Variants in MPHOSPH6 observed in about 807,000 individuals in gnomAD.
MPHOSPH6 encodes the protein M-phase phosphoprotein 6.
Under a neutral mutation model 21.8 loss-of-function variants are expected in MPHOSPH6, and 25 were observed. That is an observed-to-expected ratio of 1.15 (90% CI 0.83 to 1.60). MPHOSPH6 has a LOEUF of 1.60. MPHOSPH6 is among the 40% of genes most tolerant of loss of function. The pLI, the probability that MPHOSPH6 is intolerant of heterozygous loss-of-function variation, is 0.00. For synonymous variants in MPHOSPH6, 84 were observed against 56.5 expected (o/e 1.49, Z -2.18); for missense variants, 269 against 181.8 (o/e 1.48, Z -2.76).
chr16:82,153,293 G>C (rs1567612292), intron 2 of MPHOSPH6, among the ~76,000 whole-genome samples: 1 of 152,164 alleles, frequency 6.6e-6, no homozygotes, highest in South Asian at 2.1e-4. Flanking sequence ...TATGGAACTA[G>C]CTTTCCTGCA....
chr16:82,154,086 A>T (rs1052218534), intron 2 of MPHOSPH6, among the ~76,000 whole-genome samples: 5 of 152,184 alleles, frequency 3.3e-5, no homozygotes, highest in African/African-American at 1.2e-4. Flanking sequence ...GAAAACCTAG[A>T]TATTATCTGG....
chr16:82,151,720 C>A (rs561938176), intron 2 of MPHOSPH6, among the ~76,000 whole-genome samples: 2 of 152,332 alleles, frequency 1.3e-5, no homozygotes, highest in East Asian at 3.9e-4. Flanking sequence ...AAGCTAGAGG[C>A]ACAGCCTCTC....
At chr16:82,149,076 A>T (rs1906179155) in intron 4 of MPHOSPH6, among the ~76,000 whole-genome samples, 1 of 152,232 alleles carries the variant, frequency 6.6e-6, no homozygotes, top group Non-Finnish European at 1.5e-5. Flanking sequence ...AAATAAATAG[A>T]GATGTACATT....
intron 1 of MPHOSPH6, among the ~76,000 whole-genome samples, chr16:82,167,832 C>T (rs1327102132): frequency 6.4e-4 from 97 of 152,312 alleles, no homozygotes; most frequent in Non-Finnish European, 2.6e-4. Flanking sequence ...TCACTTCCTG[C>T]TGTGCAGCCT....
intron 2 of MPHOSPH6, among the ~76,000 whole-genome samples, chr16:82,159,627 C>T (rs1190078442): frequency 5.3e-5 from 8 of 152,150 alleles, no homozygotes; most frequent in African/African-American, 1.9e-4. Flanking sequence ...ATGATGGTCT[C>T]GATCTCCTGA....
intron 2 of MPHOSPH6, among the ~76,000 whole-genome samples, chr16:82,159,463 A>G (rs1906537309): frequency 1.3e-5 from 2 of 151,964 alleles, no homozygotes; most frequent in Non-Finnish European, 1.5e-5. Context: ...GGAGTGCAGT[A>G]GCGCAATCTC....
intron 2 of MPHOSPH6, among the ~76,000 whole-genome samples, chr16:82,158,207 AG>A (rs1906491144): frequency 6.6e-6 from 1 of 151,958 alleles, no homozygotes; most frequent in Admixed American, 6.6e-5. Flanking sequence ...GATACTTCTT[AG>A]CCGGGCGCAG....
chr16:82,156,533 A>G (rs1486680240), intron 2 of MPHOSPH6, among the ~76,000 whole-genome samples: 2 of 152,234 alleles, frequency 1.3e-5, no homozygotes, highest in Non-Finnish European at 2.9e-5. Context: ...GTTCTTCAAC[A>G]TTATGTCATC....
chr16:82,168,864 T>C (rs1436385361), intron 1 of MPHOSPH6, among the ~76,000 whole-genome samples: 2 of 152,184 alleles, frequency 1.3e-5, no homozygotes, highest in Admixed American at 1.3e-4. Context: ...TCTCTAGAAG[T>C]AGTGCTTAGT....
Position 82,149,469 on chromosome 16 carries a change from T to C in MPHOSPH6, c.256-66A>G, listed in dbSNP as rs990201721. The C allele has an allele frequency of 4.2e-5, 57 of 1,373,148 alleles. No individual in the cohort carries two copies. In the Admixed American group the frequency reaches 9.6e-4, roughly 23 times the overall value. The allele number at this position is 1,373,148 out of a possible 1,614,324, so 85.1% of individuals were successfully genotyped here. ...CTTGTGAAAGGAACTGATGTCAAAC[T>C]TACCTGAAGGCAGAGAAACTGAAGT... is the stretch of plus-strand genomic sequence containing the variant. On this transcript the variant is annotated intron_variant, in intron 3 of 4. Transcript: ENST00000258169.
intron 1 of MPHOSPH6, among the ~76,000 whole-genome samples, chr16:82,166,163 A>C (rs7195032): frequency 0.063 from 9,627 of 152,288 alleles, 546 homozygotes; most frequent in African/African-American, 0.14. Flanking sequence ...GGTGGCATGA[A>C]GGACGCACGG....
intron 3 of MPHOSPH6, among the ~76,000 whole-genome samples, chr16:82,150,388 G>A (rs915191301): frequency 2.0e-5 from 3 of 152,076 alleles, no homozygotes; most frequent in African/African-American, 7.2e-5. Flanking sequence ...ATTAAAGAAA[G>A]TCAAAGCGAG....
chr16:82,149,270 C>A, intron 4 of MPHOSPH6, 39 bp downstream of exon 4: 1 of 1,594,656 alleles, frequency 6.3e-7, no homozygotes, highest in Non-Finnish European at 8.6e-7. Context: ...CCAATGAATG[C>A]TAGGTCCAGA....
intron 1 of MPHOSPH6, among the ~76,000 whole-genome samples, chr16:82,169,154 T>C (rs749487970): frequency 3.9e-5 from 6 of 152,226 alleles, no homozygotes; most frequent in East Asian, 1.9e-4. Flanking sequence ...CCCGTTTCAA[T>C]AGCTTTCCAT....
In MPHOSPH6 at chr16:82,148,855, G is replaced by T. The variant is rs746478310; in HGVS notation, c.359C>A (p.Thr120Asn). ...CTTTTTCCCAATTGTCCCCACCAAG[G>T]TCTCATATCTGTCAAGAGGACAGGC... is the stretch of plus-strand genomic sequence containing the variant. ...SDEEMARRYE[T>N]LVGTIGKKFA... The change falls in exon 5 of 5, where the codon ACC (threonine) becomes AAC (asparagine). Residue 120 changes from threonine (T) to asparagine (N), a missense_variant. Transcript: ENST00000258169. 20 of 1,613,764 alleles carry T rather than the reference G, an allele frequency of 1.2e-5. No individual in the cohort carries two copies. Among genetic ancestry groups the T allele is most frequent in the Admixed American group, 6.7e-5 (4 of 59,984 alleles).
At chr16:82,154,732 A>C (rs11649427) in intron 2 of MPHOSPH6, among the ~76,000 whole-genome samples, 21,816 of 152,186 alleles carry the variant, frequency 0.14, 2,277 homozygotes, top group Admixed American at 0.34. Context: ...TATCTATCAA[A>C]TAAATGGAAT....
chr16:82,154,738 G>A (rs902579030), intron 2 of MPHOSPH6, among the ~76,000 whole-genome samples: 2 of 151,896 alleles, frequency 1.3e-5, no homozygotes, highest in Non-Finnish European at 2.9e-5. Flanking sequence ...TCAAATAAAT[G>A]GAATTCATTA....
rs1906261513 is a variant in MPHOSPH6, at chr16:82,151,458, C to A, written c.221G>T (p.Arg74Ile). ...AGGATTAAATCCTCTGAATGACATT[C>A]TTCCATAGAGAAGATCTTCACATAG... ...FLLCEDLLYG[R>I]MSFRGFNPEV... The change falls in exon 3 of 5, where the codon AGA becomes ATA. Residue 74 changes from arginine (R) to isoleucine (I), a missense_variant. Arg to Ile is a moderately conservative substitution (Grantham distance 97, BLOSUM62 -3). Transcript: ENST00000258169. 3 of 1,607,524 alleles carry A rather than the reference C, an allele frequency of 1.9e-6. No individual in the cohort carries two copies. The East Asian group carries it at 6.7e-5, about 36-fold the overall frequency.
At chr16:82,168,463 ACTCT>A (rs201982758) in intron 1 of MPHOSPH6, among the ~76,000 whole-genome samples, 2 of 52,450 alleles carry the variant, frequency 3.8e-5, no homozygotes, top group Non-Finnish European at 7.2e-5. Flanking sequence ...TATAATGTTT[ACTCT>A]CTCTCTTTTT....
Sources: allele counts gnomAD v4.1 joint callset (sites outside exome capture counted in the v4.1 genomes callset), GRCh38; gene constraint gnomAD v4.1.1; transcripts MANE v1.5; gene names NCBI Gene and HGNC (gene_info 2026-07-23, HGNC 2026-07-21).